Variants in B3GALT1 observed in about 807,000 individuals in gnomAD.
B3GALT1 encodes UDP-Gal:betaGlcNAc beta 1,3-galactosyltransferase, polypeptide 1.
A neutral mutation model predicts 23.2 loss-of-function variants in B3GALT1; 10 were observed. That is an observed-to-expected ratio of 0.43 (90% CI 0.27 to 0.73). B3GALT1 has a LOEUF of 0.73. Among genes scored for constraint, B3GALT1 ranks in the 30% least tolerant of loss-of-function variants. The pLI is 0.21. For missense variants in B3GALT1, 299 were observed against 405.4 expected, an observed-to-expected ratio of 0.74 and a Z score of 2.25; for synonymous variants, 156 against 141.5, an observed-to-expected ratio of 1.10 and a Z score of -0.73.
chr2:167,380,020 C>T (rs1178810206), intron 1 of B3GALT1, among the ~76,000 whole-genome samples: 1 of 152,090 alleles, frequency 6.6e-6, no homozygotes, highest in Non-Finnish European at 1.5e-5. Context: ...TCTCTGAATG[C>T]CTGAAGATCT....
At chr2:167,394,590 G>A (rs762698728) in intron 1 of B3GALT1, among the ~76,000 whole-genome samples, 9 of 152,002 alleles carry the variant, frequency 5.9e-5, no homozygotes, top group Non-Finnish European at 1.2e-4. Flanking sequence ...GGAGCAATTT[G>A]ATGTGGGAGC....
intron 1 of B3GALT1, among the ~76,000 whole-genome samples, chr2:167,398,033 T>C (rs1698124279): frequency 1.3e-5 from 2 of 152,184 alleles, no homozygotes; most frequent in South Asian, 2.1e-4. Flanking sequence ...AATTAATCTT[T>C]GTTACCGTAC....
chr2:167,514,616 G>A (rs1422264473), intron 2 of B3GALT1, among the ~76,000 whole-genome samples: 1 of 152,160 alleles, frequency 6.6e-6, no homozygotes, highest in Non-Finnish European at 1.5e-5. Flanking sequence ...GCCAAGCTAA[G>A]TATTAGTGAT....
chr2:167,727,770 A>G (rs1423311013), intron 3 of B3GALT1, among the ~76,000 whole-genome samples: 2 of 152,196 alleles, frequency 1.3e-5, no homozygotes, highest in Non-Finnish European at 2.9e-5. Context: ...CGGGGTTGAT[A>G]TTAAACTTGT....
At chr2:167,758,866 T>A (rs1293671143) in intron 3 of B3GALT1, among the ~76,000 whole-genome samples, 2 of 152,178 alleles carry the variant, frequency 1.3e-5, no homozygotes, top group Non-Finnish European at 2.9e-5. Context: ...TAACTGTTAC[T>A]TGGGACAAAA....
At chr2:167,307,010 A>G (rs1485755530) in intron 1 of B3GALT1, among the ~76,000 whole-genome samples, 2 of 152,064 alleles carry the variant, frequency 1.3e-5, no homozygotes, top group South Asian at 2.1e-4. Flanking sequence ...CAATTGGACC[A>G]TCTCCTAATC....
chr2:167,410,352 G>A (rs148252697), intron 1 of B3GALT1, among the ~76,000 whole-genome samples: 210 of 152,086 alleles, frequency 1.4e-3, no homozygotes, highest in African/African-American at 4.7e-3. Context: ...TGAGACAGGC[G>A]CAGTGGCAGA....
At chr2:167,593,392 C>T (rs966032289) in intron 2 of B3GALT1, among the ~76,000 whole-genome samples, 1 of 152,054 alleles carries the variant, frequency 6.6e-6, no homozygotes, top group African/African-American at 2.4e-5. Flanking sequence ...GCATGTTTTC[C>T]TAACCGCACA....
intron 4 of B3GALT1, among the ~76,000 whole-genome samples, chr2:167,835,881 G>C (rs529561772): frequency 1.3e-5 from 2 of 152,184 alleles, no homozygotes; most frequent in African/African-American, 2.4e-5. Flanking sequence ...AAAAACCACT[G>C]TTCTGCAGAC....
At chr2:167,336,336 G>T (rs1349669085) in intron 1 of B3GALT1, among the ~76,000 whole-genome samples, 10 of 152,162 alleles carry the variant, frequency 6.6e-5, no homozygotes, top group Non-Finnish European at 1.0e-4. Flanking sequence ...GTCTTTTATG[G>T]TTTACCCAGG....
At chr2:167,363,176 T>C (rs559677621) in intron 1 of B3GALT1, among the ~76,000 whole-genome samples, 1 of 151,494 alleles carries the variant, frequency 6.6e-6, no homozygotes, top group East Asian at 1.9e-4. Context: ...TTTCTTATTG[T>C]CTAGTATGCC....
At chr2:167,311,215 G>T (rs1696630442) in intron 1 of B3GALT1, among the ~76,000 whole-genome samples, 1 of 152,074 alleles carries the variant, frequency 6.6e-6, no homozygotes, top group Non-Finnish European at 1.5e-5. Context: ...ATGTTATTGT[G>T]TACATAGATT....
intron 1 of B3GALT1, among the ~76,000 whole-genome samples, chr2:167,349,384 T>G (rs1030799695): frequency 5.3e-5 from 8 of 152,132 alleles, no homozygotes; most frequent in Admixed American, 5.2e-4. Flanking sequence ...TAACCTTTAT[T>G]TTACTTCATA....
At chr2:167,536,578 C>T (rs1286678985) in intron 2 of B3GALT1, among the ~76,000 whole-genome samples, 1 of 152,172 alleles carries the variant, frequency 6.6e-6, no homozygotes, top group Non-Finnish European at 1.5e-5. Flanking sequence ...TCTTCCTGCT[C>T]TCCATTCTCT....
intron 4 of B3GALT1, among the ~76,000 whole-genome samples, chr2:167,845,613 G>C (rs753768804): frequency 9.9e-5 from 15 of 152,262 alleles, no homozygotes; most frequent in Admixed American, 3.3e-4. Context: ...TTCAGCCCTA[G>C]ATCTTCCCTC....
chr2:167,476,504 T>C (rs1382471473), intron 1 of B3GALT1, among the ~76,000 whole-genome samples: 2 of 152,178 alleles, frequency 1.3e-5, no homozygotes, highest in Non-Finnish European at 2.9e-5. Context: ...TAAATTATGA[T>C]CCTTCTTGTC....
intron 3 of B3GALT1, among the ~76,000 whole-genome samples, chr2:167,670,608 G>C (rs1270864488): frequency 6.6e-6 from 1 of 152,096 alleles, no homozygotes; most frequent in Non-Finnish European, 1.5e-5. Context: ...CAAAATAATT[G>C]TTTTAAGAAA....
intron 3 of B3GALT1, among the ~76,000 whole-genome samples, chr2:167,656,309 G>A (rs528416526): frequency 1.3e-5 from 2 of 152,202 alleles, no homozygotes; most frequent in South Asian, 2.1e-4. Context: ...TTCAACACTT[G>A]TAGATAATCA....
chr2:167,300,982 G>T (rs1696434660), intron 1 of B3GALT1, among the ~76,000 whole-genome samples: 1 of 152,156 alleles, frequency 6.6e-6, no homozygotes, highest in African/African-American at 2.4e-5. Flanking sequence ...CCTAGTTTAT[G>T]TTCATCTCCT....
Sources: gnomAD v4.1 joint callset for allele counts (sites outside exome capture counted in the v4.1 genomes callset) on GRCh38, gnomAD v4.1.1 for gene constraint, MANE v1.5 for transcripts, NCBI Gene and HGNC (gene_info 2026-07-23, HGNC 2026-07-21) for gene names.